AGTPBP1: variants seen among roughly 807,000 people sequenced by gnomAD.
AGTPBP1 encodes cytosolic carboxypeptidase 1.
A neutral mutation model predicts 143.9 loss-of-function variants in AGTPBP1; 70 were observed. The observed-to-expected ratio is 0.49, with a 90% CI of 0.40 to 0.59. AGTPBP1 has a LOEUF of 0.59. AGTPBP1 is among the 20% of genes least tolerant of loss of function. The pLI, the probability that AGTPBP1 is intolerant of heterozygous loss-of-function variation, is 0.00. For missense variants in AGTPBP1, 1,229 were observed against 1,464.5 expected, an observed-to-expected ratio of 0.84 and a Z score of 2.62; for synonymous variants, 463 against 500.2, an observed-to-expected ratio of 0.93 and a Z score of 0.99.
At chr9:85,635,214 A>G (rs576060357) in intron 13 of AGTPBP1, among the ~76,000 whole-genome samples, 9 of 152,312 alleles carry the variant, frequency 5.9e-5, no homozygotes, top group Non-Finnish European at 1.2e-4. Context: ...CTGGATTTGC[A>G]ATTGATCTTT....
intron 1 of AGTPBP1, among the ~76,000 whole-genome samples, chr9:85,739,466 T>C (rs1164383435): frequency 6.6e-6 from 1 of 151,766 alleles, no homozygotes; most frequent in Non-Finnish European, 1.5e-5. Context: ...CCCAGGACTT[T>C]GGGAGGCCGA....
At chr9:85,696,474 C>CT (rs879833283) in intron 2 of AGTPBP1, among the ~76,000 whole-genome samples, 44 of 152,014 alleles carry the variant, frequency 2.9e-4, no homozygotes, top group Non-Finnish European at 6.0e-4. Context: ...TCGAGACCAG[C>CT]CTGGTCAACA....
intron 25 of AGTPBP1, among the ~76,000 whole-genome samples, chr9:85,549,388 G>A (rs926655929): frequency 1.3e-5 from 2 of 152,096 alleles, no homozygotes; most frequent in African/African-American, 2.4e-5. Flanking sequence ...AGCACGCATC[G>A]TTCAAGAGAT....
intron 10 of AGTPBP1, 29 bp from the exon 11 acceptor site, chr9:85,655,349 G>A (rs1349382125): frequency 6.8e-7 from 1 of 1,464,862 alleles, no homozygotes; most frequent in Admixed American, 2.8e-5. Flanking sequence ...AAAAGAAAAA[G>A]AATGTTTTTG....
At chr9:85,714,563 C>T (rs1837580689) in intron 1 of AGTPBP1, among the ~76,000 whole-genome samples, 1 of 152,132 alleles carries the variant, frequency 6.6e-6, no homozygotes, top group Admixed American at 6.5e-5. Context: ...TGCAGCTAGA[C>T]ACCAAGACCA....
intron 25 of AGTPBP1, among the ~76,000 whole-genome samples, chr9:85,552,291 GTTTAC>G (rs944910860): frequency 3.9e-5 from 6 of 152,250 alleles, no homozygotes; most frequent in East Asian, 1.9e-4. Flanking sequence ...AACAAAAAAT[GTTTAC>G]TTTATGCAGA....
intron 1 of AGTPBP1, among the ~76,000 whole-genome samples, chr9:85,723,569 G>C (rs529609207): frequency 4.6e-5 from 7 of 152,208 alleles, no homozygotes; most frequent in South Asian, 2.1e-4. Context: ...ATTTGGGCAG[G>C]AATGTACCGT....
At chr9:85,735,916 T>C (rs536264018) in intron 1 of AGTPBP1, among the ~76,000 whole-genome samples, 35 of 152,294 alleles carry the variant, frequency 2.3e-4, no homozygotes, top group African/African-American at 7.2e-4. Context: ...TTTTAAATCA[T>C]TTTCCCCTTA....
chr9:85,548,135 A>G (rs1011548505), intron 25 of AGTPBP1, among the ~76,000 whole-genome samples: 9 of 152,224 alleles, frequency 5.9e-5, no homozygotes, highest in African/African-American at 2.2e-4. Context: ...CCTGCTACCA[A>G]AAAGGATTTC....
rs138591898 is a variant in AGTPBP1, at chr9:85,718,395, T to C, written c.-33-5829A>G. On this transcript the variant is annotated intron_variant, in intron 1 of 25. Coordinates refer to ENST00000357081, the MANE Select transcript of AGTPBP1 (RefSeq NM_001330701.2). ...ATGAGATGGTATCTCATTGTGGTTT[T>C]GATTTGCATTTCTCTGATGACCAGT... Among the ~76,000 whole-genome samples, 947 of 152,354 alleles carry C rather than the reference T, an allele frequency of 6.2e-3. 11 individuals are homozygous for C. The highest frequency in any genetic ancestry group is 0.021 in the African/African-American group (866 of 41,564).
chr9:85,733,122 G>T (rs544065350), intron 1 of AGTPBP1, among the ~76,000 whole-genome samples: 1 of 152,018 alleles, frequency 6.6e-6, no homozygotes, highest in Non-Finnish European at 1.5e-5. Context: ...ACAACACAAT[G>T]AATCAACTAG....
intron 17 of AGTPBP1, among the ~76,000 whole-genome samples, chr9:85,618,139 A>G (rs1403456960): frequency 1.3e-5 from 2 of 151,860 alleles, no homozygotes; most frequent in Non-Finnish European, 2.9e-5. Flanking sequence ...GGTCTGATGC[A>G]GGGGAATCAC....
chr9:85,642,862 C>T lies in AGTPBP1; in HGVS notation c.1267G>A (p.Glu423Lys). Residue 423 changes from glutamate to lysine, a missense_variant, in exon 13 of 26, where the codon GAA becomes AAA. This residue lies in a region of AGTPBP1 where 743 missense variants were observed against 812.2 expected (regional missense o/e 0.91). Transcript: ENST00000357081. Reference protein sequence around the residue: ...GRTIEDLKMYEHLFPELVDDF... With the variant: ...GRTIEDLKMYKHLFPELVDDF... ...TCAACAAGCTCAGGGAAAAGGTGTT[C>T]ATACATTTTTAGATCTTCTATTGTT... 1 of 1,612,860 alleles carries T rather than the reference C, an allele frequency of 6.2e-7. No homozygotes were observed. Among genetic ancestry groups the T allele is most frequent in the Non-Finnish European group, 8.5e-7 (1 of 1,179,676 alleles).
the AGTPBP1 span, among the ~76,000 whole-genome samples, chr9:85,759,116 T>A: frequency 6.6e-6 from 1 of 152,136 alleles, no homozygotes; most frequent in African/African-American, 2.4e-5. Context: ...CTCAGATTCA[T>A]AAAGCAAGTC....
the AGTPBP1 span, among the ~76,000 whole-genome samples, chr9:85,789,638 A>T: frequency 6.6e-6 from 1 of 151,944 alleles, no homozygotes; most frequent in Admixed American, 6.6e-5. Context: ...TTGTTAATGT[A>T]TTTTTTTGTT....
At chr9:85,681,449 C>A in intron 3 of AGTPBP1, 114 bp from the exon 4 acceptor site, 1 of 799,984 alleles carries the variant, frequency 1.3e-6, no homozygotes, top group Non-Finnish European at 2.0e-6. Flanking sequence ...AGTAAACACT[C>A]TAACTTGGTT....
chr9:85,793,179 A>G, the AGTPBP1 span, among the ~76,000 whole-genome samples: 1 of 152,144 alleles, frequency 6.6e-6, no homozygotes, highest in Non-Finnish European at 1.5e-5. Flanking sequence ...GTTTTTGGCT[A>G]TTTATTACTT....
chr9:85,717,835 C>CA (rs1400802262), intron 1 of AGTPBP1, among the ~76,000 whole-genome samples: 2 of 152,014 alleles, frequency 1.3e-5, no homozygotes, highest in African/African-American at 4.8e-5. Flanking sequence ...CACAGCCCCC[C>CA]ACCCCCTAAC....
chr9:85,778,781 A>G, the AGTPBP1 span, among the ~76,000 whole-genome samples: 2 of 152,336 alleles, frequency 1.3e-5, no homozygotes, highest in East Asian at 3.9e-4. Context: ...TTACTGAGGT[A>G]GAAGAGTTCA....
Sources: allele counts gnomAD v4.1 joint callset (sites outside exome capture counted in the v4.1 genomes callset), GRCh38; gene constraint gnomAD v4.1.1; regional missense constraint gnomAD v4.1.1; transcripts MANE v1.5; gene names NCBI Gene and HGNC (gene_info 2026-07-23, HGNC 2026-07-21).